RNF144A: variants seen among roughly 807,000 people sequenced by gnomAD.
RNF144A encodes E3 ubiquitin-protein ligase RNF144A.
Under a neutral mutation model 38.7 loss-of-function variants are expected in RNF144A, and 11 were observed. The ratio of observed to expected loss-of-function variants is 0.28; its 90% CI spans 0.18 to 0.47. RNF144A has a LOEUF of 0.47. Ranked by LOEUF, RNF144A falls within the 20% of genes least tolerant of loss-of-function variation. RNF144A has a pLI of 0.99. For missense variants in RNF144A, 316 were observed against 377.2 expected (o/e 0.84, Z 1.34); for synonymous variants, 149 against 143.9 (o/e 1.04, Z -0.25).
At chr2:6,952,474 T>C (rs1666749491) in intron 2 of RNF144A, among the ~76,000 whole-genome samples, 1 of 151,464 alleles carries the variant, frequency 6.6e-6, no homozygotes, top group Non-Finnish European at 1.5e-5. Context: ...ATTTTGGTAG[T>C]ACTCAACTGA....
downstream of RNF144A, among the ~76,000 whole-genome samples, chr2:7,047,498 A>G (rs1348612657): frequency 6.6e-6 from 1 of 152,192 alleles, no homozygotes; most frequent in African/African-American, 2.4e-5. Context: ...AACCCATCAC[A>G]TCTCGTGAGA....
chr2:6,941,218 T>C lies in RNF144A; in HGVS notation c.-12+71T>C, dbSNP rs1665951682. The C allele has an allele frequency of 1.3e-5, 2 of 152,192 alleles. No individual in the cohort carries two copies. Among genetic ancestry groups the C allele is most frequent in the African/African-American group, 4.8e-5 (2 of 41,438 alleles). The allele number at this position is 152,192 out of a possible 1,614,324, so 9.4% of individuals were successfully genotyped here. A position where few individuals can be genotyped will look rare whatever the true frequency, so the allele number is the denominator to read the frequency against. On this transcript the variant is annotated intron_variant, in intron 2 of 8. Coordinates refer to ENST00000320892, the MANE Select transcript of RNF144A (RefSeq NM_014746.6). The surrounding 1 kb of genome is among the most constrained non-coding windows in gnomAD (Gnocchi z 6.5). Reference sequence around the variant, plus strand: ...CTCTTCTTAGTGGAATCTCAGGCCATTGTTGGAAAAGATAGTAGGCCTGCC... The same window carrying C: ...CTCTTCTTAGTGGAATCTCAGGCCACTGTTGGAAAAGATAGTAGGCCTGCC...
At chr2:7,004,896 G>A (rs963122349) in intron 3 of RNF144A, among the ~76,000 whole-genome samples, 2 of 152,116 alleles carry the variant, frequency 1.3e-5, no homozygotes, top group Non-Finnish European at 2.9e-5. Flanking sequence ...ATAAATGTTG[G>A]CACATAATGG....
In RNF144A at chr2:7,011,903, G is replaced by T. The variant is rs140025973; in HGVS notation, c.136-2551G>T. 2.6e-3 allele frequency among the ~76,000 whole-genome samples: 399 copies of T among 152,302 alleles called. 1 individual carries two copies. The highest frequency in any genetic ancestry group is 0.015 in the South Asian group (74 of 4,824). The stretch of plus-strand genomic sequence containing the variant: ...GATATTCCCAGAACATAATCCTTTT[G>T]CAGATTGTACAGATAGCTGCATCCT... On this transcript the variant is annotated intron_variant, in intron 3 of 8. Coordinates refer to ENST00000320892, the MANE Select transcript of RNF144A (RefSeq NM_014746.6).
chr2:7,008,834 C>T (rs561811477), intron 3 of RNF144A, among the ~76,000 whole-genome samples: 28 of 152,368 alleles, frequency 1.8e-4, no homozygotes, highest in Admixed American at 1.6e-3. Flanking sequence ...CTCCTGGCCT[C>T]CACCCCAGGT....
chr2:7,044,569 A>G (rs1338645067), downstream of RNF144A, among the ~76,000 whole-genome samples: 1 of 152,146 alleles, frequency 6.6e-6, no homozygotes, highest in East Asian at 1.9e-4. Context: ...GACCTGTCAC[A>G]TTTTATGAGT....
chr2:6,987,239 C>T (rs1669019969), intron 2 of RNF144A, among the ~76,000 whole-genome samples: 1 of 152,142 alleles, frequency 6.6e-6, no homozygotes, highest in African/African-American at 2.4e-5. Flanking sequence ...GCCAGGTGGC[C>T]TGCAAGAGAG....
rs1666155913 is a variant in RNF144A at position 6,943,618 on chromosome 2, AG to A, written c.-12+2472del. ...GGAGGGCTGCTGAAAACACTTCTTGAGTAGGAGAGAGAGATGGGTTTGTGGA... is the reference window on the plus strand; with the variant it reads ...GGAGGGCTGCTGAAAACACTTCTTGATAGGAGAGAGAGATGGGTTTGTGGA... On this transcript the variant is annotated intron_variant, in intron 2 of 8. Transcript: ENST00000320892. This position sits in a 1 kb window ranked among gnomAD's most constrained non-coding sequence, Gnocchi z 4.3. 6.6e-6 allele frequency among the ~76,000 whole-genome samples: 1 copy of A among 152,112 alleles called. No homozygotes were observed. Among genetic ancestry groups the A allele is most frequent in the Non-Finnish European group, 1.5e-5 (1 of 68,028 alleles).
At chr2:6,983,940 T>C (rs1012451182) in intron 2 of RNF144A, among the ~76,000 whole-genome samples, 1 of 152,238 alleles carries the variant, frequency 6.6e-6, no homozygotes, top group Non-Finnish European at 1.5e-5. Flanking sequence ...CAGCTTCTTT[T>C]TCAAAGTATA....
Position 6,941,313 on chromosome 2 carries a change from A to G in RNF144A, c.-12+166A>G, listed in dbSNP as rs1277348144. Among the ~76,000 whole-genome samples the G allele has an allele frequency of 1.3e-5, 2 of 152,224 alleles. No homozygotes were observed. The highest frequency in any genetic ancestry group is 2.9e-5 in the Non-Finnish European group (2 of 68,042). Reference sequence around the variant, plus strand: ...TTTTCTAGTAGGTTTCCCCGGAATGAATTTTAAGATAGTGTTCAACACATT... The same window carrying G: ...TTTTCTAGTAGGTTTCCCCGGAATGGATTTTAAGATAGTGTTCAACACATT... On this transcript the variant is annotated intron_variant, in intron 2 of 8. Transcript: ENST00000320892. This position sits in a 1 kb window ranked among gnomAD's most constrained non-coding sequence, Gnocchi z 6.5.
intron 3 of RNF144A, among the ~76,000 whole-genome samples, chr2:6,998,941 C>G (rs929007668): frequency 6.6e-6 from 1 of 152,262 alleles, no homozygotes; most frequent in Admixed American, 6.5e-5. Context: ...CGCCTGCCTG[C>G]TGTCAGAGGC....
At chr2:7,003,852 T>C (rs1481466286) in intron 3 of RNF144A, among the ~76,000 whole-genome samples, 5 of 152,248 alleles carry the variant, frequency 3.3e-5, no homozygotes, top group African/African-American at 9.6e-5. Flanking sequence ...CATTTTCTTA[T>C]GATCCCCACT....
intron 8 of RNF144A, among the ~76,000 whole-genome samples, chr2:7,039,023 A>G (rs1672869919): frequency 6.6e-6 from 1 of 151,756 alleles, no homozygotes; most frequent in Admixed American, 6.6e-5. Flanking sequence ...GGATGAGTAG[A>G]TAGATGGATG....
rs376222324 is a variant in RNF144A, at chr2:7,003,954, C to T, written c.135+6893C>T. On this transcript the variant is annotated intron_variant, in intron 3 of 8. Transcript: ENST00000320892. ...TAGAGCAGGCAATCAACTGGAAAAC[C>T]ATGAGTGTCGCTGGTTCTCAGATTA... 3.0e-4 allele frequency among the ~76,000 whole-genome samples: 45 copies of T among 152,380 alleles called. 2 individuals carry two copies. The highest frequency in any genetic ancestry group is 3.4e-3 in the Middle Eastern group (1 of 294).
intron 3 of RNF144A, among the ~76,000 whole-genome samples, chr2:6,998,869 C>G (rs541783944): frequency 3.3e-5 from 5 of 152,088 alleles, no homozygotes; most frequent in African/African-American, 1.2e-4. Flanking sequence ...TCGAATGGCT[C>G]CCCCTCTGCC....
chr2:6,987,812 C>G (rs977638343), intron 2 of RNF144A, among the ~76,000 whole-genome samples: 1 of 152,218 alleles, frequency 6.6e-6, no homozygotes, highest in African/African-American at 2.4e-5. Flanking sequence ...CCTGCAAAAT[C>G]TTAATTTAGG....
At chr2:6,925,047 C>T (rs1017436844) in intron 1 of RNF144A, among the ~76,000 whole-genome samples, 1 of 152,162 alleles carries the variant, frequency 6.6e-6, no homozygotes, top group Non-Finnish European at 1.5e-5. Flanking sequence ...TGCCACACGG[C>T]GAATTTTGAT....
downstream of RNF144A, among the ~76,000 whole-genome samples, chr2:7,072,817 C>T (rs1408942885): frequency 6.6e-6 from 1 of 152,178 alleles, no homozygotes; most frequent in Non-Finnish European, 1.5e-5. Flanking sequence ...TGAAGACATT[C>T]TAGAAAATCT....
At chr2:7,028,111 C>A (rs140215602) in intron 7 of RNF144A, among the ~76,000 whole-genome samples, 4 of 152,252 alleles carry the variant, frequency 2.6e-5, no homozygotes, top group Admixed American at 6.5e-5. Flanking sequence ...AAGTCCCTGG[C>A]GGCCCCAAGG....
Sources: allele counts gnomAD v4.1 joint callset (sites outside exome capture counted in the v4.1 genomes callset), GRCh38; gene constraint gnomAD v4.1.1; non-coding constraint Gnocchi (gnomAD v3.1); transcripts MANE v1.5; gene names NCBI Gene and HGNC (gene_info 2026-07-23, HGNC 2026-07-21).